The following KIAA1328 variants were observed in gnomAD, a reference collection of about 807,000 sequenced individuals.
KIAA1328 encodes KIAA1328, also known as protein hinderin.
A neutral mutation model predicts 68.1 loss-of-function variants in KIAA1328; 52 were observed. The observed-to-expected ratio is 0.76, with a 90% CI of 0.61 to 0.96. The LOEUF is 0.96. Among genes scored for constraint, KIAA1328 ranks in the 40% least tolerant of loss-of-function variants. KIAA1328 has a pLI of 0.00. For missense variants in KIAA1328, 641 were observed against 677.6 expected, an observed-to-expected ratio of 0.95 and a Z score of 0.60; for synonymous variants, 232 against 239.4, an observed-to-expected ratio of 0.97 and a Z score of 0.28.
At chr18:37,197,976 AAAATG>A (rs1316848289) in intron 9 of KIAA1328, among the ~76,000 whole-genome samples, 1 of 152,228 alleles carries the variant, frequency 6.6e-6, no homozygotes, top group Admixed American at 6.5e-5. Flanking sequence ...AATGGATAAT[AAAATG>A]TGGTGTGTTC....
intron 6 of KIAA1328, among the ~76,000 whole-genome samples, chr18:36,970,962 T>C (rs918672961): frequency 6.6e-6 from 1 of 152,142 alleles, no homozygotes; most frequent in Non-Finnish European, 1.5e-5. Context: ...TTAAATTTCA[T>C]ATGGAACCAA....
chr18:37,137,289 C>G (rs887915559), intron 7 of KIAA1328, among the ~76,000 whole-genome samples: 3 of 151,758 alleles, frequency 2.0e-5, no homozygotes, highest in Non-Finnish European at 4.4e-5. Context: ...TCTTCAGACC[C>G]TTCCTCTCCA....
intron 6 of KIAA1328, among the ~76,000 whole-genome samples, chr18:36,992,970 A>G (rs536404901): frequency 6.6e-6 from 1 of 152,106 alleles, no homozygotes. Flanking sequence ...AGTTGGGTGG[A>G]GTGGTGTGCA....
chr18:36,919,875 A>T (rs909276818), intron 5 of KIAA1328, among the ~76,000 whole-genome samples: 14 of 151,996 alleles, frequency 9.2e-5, no homozygotes, highest in African/African-American at 3.4e-4. Flanking sequence ...TTCCTTTGAG[A>T]AGTGTCTGTT....
chr18:37,005,196 A>C (rs1057338741), intron 6 of KIAA1328, among the ~76,000 whole-genome samples: 2 of 152,076 alleles, frequency 1.3e-5, no homozygotes, highest in African/African-American at 4.8e-5. Context: ...GCACTTACTC[A>C]TGTAACCAAA....
chr18:37,118,470 A>G (rs2058182156), intron 7 of KIAA1328, among the ~76,000 whole-genome samples: 1 of 152,204 alleles, frequency 6.6e-6, no homozygotes, highest in Admixed American at 6.5e-5. Context: ...CTTTACTCAC[A>G]GAACATAGAA....
intron 5 of KIAA1328, among the ~76,000 whole-genome samples, chr18:36,950,353 C>G (rs919461976): frequency 1.3e-5 from 2 of 152,072 alleles, no homozygotes; most frequent in African/African-American, 4.8e-5. Flanking sequence ...AAACTCAAAA[C>G]CAACGTGAAA....
chr18:37,219,911 G>T (rs750067367), intron 9 of KIAA1328, among the ~76,000 whole-genome samples: 5 of 152,084 alleles, frequency 3.3e-5, no homozygotes, highest in Non-Finnish European at 7.3e-5. Context: ...CTTCTTTGTC[G>T]ATCACACTGG....
chr18:37,178,725 C>T (rs1255381598), intron 9 of KIAA1328, among the ~76,000 whole-genome samples: 2 of 152,138 alleles, frequency 1.3e-5, no homozygotes, highest in Non-Finnish European at 2.9e-5. Flanking sequence ...TTTTCTTTCT[C>T]CAATCATTGC....
intron 5 of KIAA1328, among the ~76,000 whole-genome samples, chr18:36,935,750 T>C (rs548580363): frequency 2.0e-5 from 3 of 152,300 alleles, no homozygotes; most frequent in Non-Finnish European, 2.9e-5. Context: ...GTGTTAAGTA[T>C]ATACTGTGTG....
intron 4 of KIAA1328, among the ~76,000 whole-genome samples, chr18:36,858,269 T>A (rs1457668085): frequency 6.6e-6 from 1 of 152,214 alleles, no homozygotes; most frequent in Non-Finnish European, 1.5e-5. Context: ...CTGCTAATAT[T>A]AGTTGTCCTG....
chr18:37,005,393 GTGTC>G (rs2053742938), intron 6 of KIAA1328, among the ~76,000 whole-genome samples: 1 of 151,028 alleles, frequency 6.6e-6, no homozygotes, highest in Non-Finnish European at 1.5e-5. Flanking sequence ...CAAAACCAGA[GTGTC>G]ATACCATCTT....
At chr18:37,092,921 GAAT>G in intron 7 of KIAA1328, among the ~76,000 whole-genome samples, 1 of 152,154 alleles carries the variant, frequency 6.6e-6, no homozygotes, top group Non-Finnish European at 1.5e-5. Flanking sequence ...CTCAGTGCCT[GAAT>G]AAATCAATGG....
At chr18:36,845,618 C>CT (rs1308110395) in intron 4 of KIAA1328, among the ~76,000 whole-genome samples, 2 of 151,478 alleles carry the variant, frequency 1.3e-5, no homozygotes, top group African/African-American at 2.4e-5. Context: ...ATAAAGAACT[C>CT]TAATACCTCA....
At chr18:36,901,079 A>G (rs1220690403) in intron 5 of KIAA1328, among the ~76,000 whole-genome samples, 2 of 152,008 alleles carry the variant, frequency 1.3e-5, no homozygotes, top group African/African-American at 4.8e-5. Flanking sequence ...CATGTTCCTT[A>G]TGAATATTTA....
chr18:36,848,018 G>A (rs1466052908), intron 4 of KIAA1328, among the ~76,000 whole-genome samples: 1 of 151,460 alleles, frequency 6.6e-6, no homozygotes, highest in Non-Finnish European at 1.5e-5. Context: ...AAATCCTTTA[G>A]CTTTGTTCTT....
intron 6 of KIAA1328, among the ~76,000 whole-genome samples, chr18:37,046,226 A>G (rs771562861): frequency 6.6e-6 from 1 of 152,226 alleles, no homozygotes; most frequent in South Asian, 2.1e-4. Context: ...TTCAACAGCC[A>G]TAAATTATAT....
chr18:37,190,627 A>C (rs1449758750), intron 9 of KIAA1328, among the ~76,000 whole-genome samples: 3 of 152,194 alleles, frequency 2.0e-5, no homozygotes, highest in Admixed American at 6.5e-5. Context: ...AGAAAGAGAG[A>C]AAGTTATTAT....
At chr18:36,886,497 G>C (rs964523551) in intron 5 of KIAA1328, 1 of 146,514 alleles carries the variant, frequency 6.8e-6, no homozygotes, top group African/African-American at 2.8e-5. Context: ...TAGACCTAGA[G>C]GGGTGTGTGT....
Sources: allele counts gnomAD v4.1 joint callset (sites outside exome capture counted in the v4.1 genomes callset), GRCh38; gene constraint gnomAD v4.1.1; transcripts MANE v1.5; gene names NCBI Gene and HGNC (gene_info 2026-07-23, HGNC 2026-07-21).